SHLD2: variants seen among roughly 807,000 people sequenced by gnomAD.
The protein encoded by SHLD2 is RINN1-REV7-interacting novel NHEJ regulator 2.
In SHLD2, 30 loss-of-function variants were observed where a neutral mutation model predicts 73.2. The observed-to-expected ratio is 0.41, with a 90% confidence interval of 0.31 to 0.56. SHLD2 has a LOEUF of 0.56. Ranked by LOEUF, SHLD2 falls within the 20% of genes least tolerant of loss-of-function variation. The probability of loss-of-function intolerance (pLI) is 0.28; values close to 1 mark genes in which losing one functional copy is unlikely to be tolerated. For synonymous variants in SHLD2, 285 were observed against 370.1 expected (o/e 0.77, Z 2.64); for missense variants, 745 against 1,055.9 (o/e 0.71, Z 4.08).
At chr10:87,095,408 G>A (rs1026066593) in intron 1 of SHLD2, among the ~76,000 whole-genome samples, 160 bp downstream of exon 1, 3 of 152,042 alleles carry the variant, frequency 2.0e-5, no homozygotes, top group Non-Finnish European at 2.9e-5. Flanking sequence ...GTGAGTCACG[G>A]GCGCCCCTCC....
intron 2 of SHLD2, among the ~76,000 whole-genome samples, chr10:87,133,148 A>T (rs1203224609): frequency 6.6e-6 from 1 of 152,212 alleles, no homozygotes; most frequent in Admixed American, 6.5e-5. Flanking sequence ...GCTGATATCT[A>T]GACAGAAAGT....
chr10:87,113,023 T>A (rs963881701), intron 2 of SHLD2, among the ~76,000 whole-genome samples: 1 of 152,090 alleles, frequency 6.6e-6, no homozygotes. Flanking sequence ...AGCTGATGAA[T>A]GGATAAACAA....
intron 2 of SHLD2, among the ~76,000 whole-genome samples, chr10:87,120,924 C>T (rs1428937727): frequency 6.6e-6 from 1 of 151,910 alleles, no homozygotes; most frequent in East Asian, 2.0e-4. Context: ...GTGGTGCATA[C>T]CTGTAATCCC....
At chr10:87,150,956 G>C (rs1845966983) in intron 2 of SHLD2, among the ~76,000 whole-genome samples, 2 of 151,794 alleles carry the variant, frequency 1.3e-5, no homozygotes, top group South Asian at 4.2e-4. Context: ...CCTTCAAGTG[G>C]CTGGGACTAC....
At chr10:87,168,664 A>G (rs1847376411) in intron 4 of SHLD2, among the ~76,000 whole-genome samples, 1 of 152,042 alleles carries the variant, frequency 6.6e-6, no homozygotes, top group Non-Finnish European at 1.5e-5. Flanking sequence ...CAATTATCCT[A>G]AGTGAATTGA....
At chr10:87,100,196 A>G (rs1842174463) in intron 2 of SHLD2, among the ~76,000 whole-genome samples, 1 of 152,182 alleles carries the variant, frequency 6.6e-6, no homozygotes, top group South Asian at 2.1e-4. Context: ...GACTTCATGA[A>G]GATTTACTCC....
intron 3 of SHLD2, among the ~76,000 whole-genome samples, chr10:87,155,850 CA>C (rs1293640287): frequency 2.6e-5 from 4 of 151,958 alleles, no homozygotes; most frequent in African/African-American, 4.8e-5. Context: ...TTTCTATGAA[CA>C]TTTTTTTTAA....
At chr10:87,156,831 T>G (rs1233241480) in intron 3 of SHLD2, among the ~76,000 whole-genome samples, 1 of 152,178 alleles carries the variant, frequency 6.6e-6, no homozygotes, top group Non-Finnish European at 1.5e-5. Context: ...GGAACCACTG[T>G]TTTTTAGTAA....
intron 4 of SHLD2, among the ~76,000 whole-genome samples, chr10:87,168,590 C>A (rs1186760927): frequency 3.4e-5 from 3 of 88,808 alleles, no homozygotes; most frequent in Non-Finnish European, 7.9e-5. Flanking sequence ...TAGAGTGACA[C>A]CTTGTCTCAA....
At chr10:87,138,127 GTC>G (rs1844926430) in intron 2 of SHLD2, among the ~76,000 whole-genome samples, 1 of 151,972 alleles carries the variant, frequency 6.6e-6, no homozygotes, top group Non-Finnish European at 1.5e-5. Context: ...GTAAAACCGC[GTC>G]TCTACTAAAA....
rs534367959 is a variant in SHLD2 at position 87,148,004 on chromosome 10, C to T, written c.-5-3346C>T. Among the ~76,000 whole-genome samples the T allele has an allele frequency of 2.0e-3, 299 of 151,936 alleles. 1 individual carries two copies. Among genetic ancestry groups the T allele is most frequent in the Non-Finnish European group, 3.4e-3 (233 of 67,994 alleles). On this transcript the variant is annotated intron_variant, in intron 2 of 9. Transcript: ENST00000298786. ...TCCTGAGTAGCTGGGATTACAGGTG[C>T]GTGCCACCACACCTGGCTAATTTTC...
At chr10:87,138,025 T>A (rs1844917865) in intron 2 of SHLD2, among the ~76,000 whole-genome samples, 1 of 151,872 alleles carries the variant, frequency 6.6e-6, no homozygotes, top group Admixed American at 6.6e-5. Flanking sequence ...AGAAAAGAAG[T>A]CCAGGCATGG....
intron 4 of SHLD2, among the ~76,000 whole-genome samples, chr10:87,164,883 GA>G (rs917164160): frequency 3.3e-5 from 5 of 149,698 alleles, no homozygotes; most frequent in South Asian, 4.2e-4. Flanking sequence ...TGAGAGAAAA[GA>G]AAAAAAAATA....
Position 87,107,094 on chromosome 10 carries a change from C to CAA in SHLD2, c.-6+10118_-6+10119dup, listed in dbSNP as rs1554827009. Among the ~76,000 whole-genome samples, 255 of 110,528 alleles carry CAA rather than the reference C, an allele frequency of 2.3e-3. 7 individuals are homozygous for CAA. The highest frequency in any genetic ancestry group is 9.2e-3 in the Middle Eastern group (2 of 218). 72.5% of individuals were successfully genotyped at this position (110,528 alleles called of 152,430 possible). A position where few individuals can be genotyped will look rare whatever the true frequency, so the allele number is the denominator to read the frequency against. On this transcript the variant is annotated intron_variant, in intron 2 of 9. Coordinates refer to ENST00000298786, the MANE Select transcript of SHLD2 (RefSeq NM_001330112.2). ...GATATTAATCTAAAGCAATAATTGG[C>CAA]AAAAAAAAAAAAAAGAGATTTAAAA...
intron 2 of SHLD2, among the ~76,000 whole-genome samples, chr10:87,111,841 C>T (rs1310468493): frequency 2.6e-5 from 4 of 151,868 alleles, no homozygotes; most frequent in Admixed American, 6.6e-5. Flanking sequence ...ACCTACAGAA[C>T]GGGATTAAAT....
intron 4 of SHLD2, among the ~76,000 whole-genome samples, chr10:87,168,109 C>G (rs1451018654): frequency 6.6e-6 from 1 of 152,072 alleles, no homozygotes; most frequent in African/African-American, 2.4e-5. Context: ...TGATTTGACC[C>G]AGCAATCCCA....
chr10:87,118,811 T>C (rs1843409973), intron 2 of SHLD2, among the ~76,000 whole-genome samples: 1 of 151,382 alleles, frequency 6.6e-6, no homozygotes, highest in Non-Finnish European at 1.5e-5. Context: ...GTAGAGAAAA[T>C]GACAGCTGTG....
At chr10:87,106,227 A>G (rs1842585369) in intron 2 of SHLD2, among the ~76,000 whole-genome samples, 1 of 151,340 alleles carries the variant, frequency 6.6e-6, no homozygotes, top group Non-Finnish European at 1.5e-5. Context: ...CTGGTCTTGA[A>G]CTCCTGATCT....
chr10:87,145,055 C>T (rs1305271049), intron 2 of SHLD2, among the ~76,000 whole-genome samples: 1 of 149,310 alleles, frequency 6.7e-6, no homozygotes, highest in African/African-American at 2.5e-5. Flanking sequence ...ATTCTTCTGC[C>T]TCAGCCTCCC....
Sources: allele counts gnomAD v4.1 joint callset (sites outside exome capture counted in the v4.1 genomes callset), GRCh38; gene constraint gnomAD v4.1.1; transcripts MANE v1.5; gene names NCBI Gene and HGNC (gene_info 2026-07-23, HGNC 2026-07-21).